The following PABPC4L variants were observed in gnomAD, a reference collection of about 807,000 sequenced individuals.
PABPC4L encodes poly(A) binding protein cytoplasmic 4 like.
For synonymous variants in PABPC4L, 169 were observed against 164.1 expected (o/e 1.03, Z -0.23); for missense variants, 452 against 451.4 (o/e 1.00, Z -0.01).
the PABPC4L span, among the ~76,000 whole-genome samples, chr4:134,084,944 C>G: frequency 6.6e-6 from 1 of 151,940 alleles, no homozygotes; most frequent in Non-Finnish European, 1.5e-5. Flanking sequence ...AAAGGAAAAC[C>G]CTCAGCAAAG....
chr4:134,149,840 A>G, the PABPC4L span, among the ~76,000 whole-genome samples: 1,489 of 152,246 alleles, frequency 9.8e-3, 25 homozygotes, highest in African/African-American at 0.034. Context: ...TGTAATCAAT[A>G]TATCACACAG....
At chr4:134,178,365 C>CAAAAAAAAAA in the PABPC4L span, among the ~76,000 whole-genome samples, 1 of 104,062 alleles carries the variant, frequency 9.6e-6, no homozygotes, top group Non-Finnish European at 2.0e-5. Flanking sequence ...AAGAAAAAAG[C>CAAAAAAAAAA]AAAAAAAAAA....
At chr4:133,962,621 G>T in the PABPC4L span, among the ~76,000 whole-genome samples, 1 of 152,146 alleles carries the variant, frequency 6.6e-6, no homozygotes, top group South Asian at 2.1e-4. Flanking sequence ...ATTAACAGTA[G>T]ATTTCTCAGT....
At chr4:134,065,167 C>A in the PABPC4L span, among the ~76,000 whole-genome samples, 1 of 152,038 alleles carries the variant, frequency 6.6e-6, no homozygotes, top group Admixed American at 6.6e-5. Flanking sequence ...CGAGAAATTG[C>A]CACACTGCTT....
chr4:134,094,341 C>T, the PABPC4L span, among the ~76,000 whole-genome samples: 1 of 151,922 alleles, frequency 6.6e-6, no homozygotes, highest in Non-Finnish European at 1.5e-5. Context: ...CATACAGACC[C>T]TAACTCCTAA....
the PABPC4L span, among the ~76,000 whole-genome samples, chr4:134,173,159 CA>C: frequency 0.025 from 1,917 of 77,932 alleles, 16 homozygotes; most frequent in African/African-American, 0.071. Context: ...GGAGATTCCT[CA>C]AAAAAAAAAA....
At chr4:134,083,792 C>A in the PABPC4L span, among the ~76,000 whole-genome samples, 2 of 152,118 alleles carry the variant, frequency 1.3e-5, no homozygotes, top group African/African-American at 4.8e-5. Flanking sequence ...TACATACATT[C>A]TAGACCACTT....
the PABPC4L span, among the ~76,000 whole-genome samples, chr4:133,971,166 G>A: frequency 8.4e-5 from 11 of 131,092 alleles, no homozygotes; most frequent in Non-Finnish European, 1.7e-4. Flanking sequence ...AGGTTGGAGT[G>A]CAGTGGAACA....
chr4:134,133,988 C>G, the PABPC4L span, among the ~76,000 whole-genome samples: 1 of 151,588 alleles, frequency 6.6e-6, no homozygotes, highest in African/African-American at 2.4e-5. Context: ...CAATTTTTAA[C>G]TTAAATATTA....
chr4:134,006,119 G>A, the PABPC4L span, among the ~76,000 whole-genome samples: 1 of 151,578 alleles, frequency 6.6e-6, no homozygotes, highest in South Asian at 2.1e-4. Flanking sequence ...TAGGTCATGG[G>A]GATTACTCAC....
At chr4:134,075,066 G>C in the PABPC4L span, among the ~76,000 whole-genome samples, 2 of 152,134 alleles carry the variant, frequency 1.3e-5, no homozygotes, top group African/African-American at 4.8e-5. Flanking sequence ...CCTAATATGG[G>C]AATTTGTTTA....
chr4:134,111,063 A>G, the PABPC4L span, among the ~76,000 whole-genome samples: 2 of 152,080 alleles, frequency 1.3e-5, no homozygotes, highest in Non-Finnish European at 2.9e-5. Context: ...TAGTTTTGAA[A>G]GTCGAAGATC....
At chr4:134,010,417 C>A in the PABPC4L span, among the ~76,000 whole-genome samples, 1 of 151,974 alleles carries the variant, frequency 6.6e-6, no homozygotes, top group South Asian at 2.1e-4. Flanking sequence ...TCTGACGTAA[C>A]CATAAAAGCT....
At chr4:133,962,842 C>T in the PABPC4L span, among the ~76,000 whole-genome samples, 1 of 152,238 alleles carries the variant, frequency 6.6e-6, no homozygotes, top group South Asian at 2.1e-4. Flanking sequence ...CTACAAGAAC[C>T]ACTAAAAGGA....
chr4:134,187,190 G>A, the PABPC4L span, among the ~76,000 whole-genome samples: 3 of 151,710 alleles, frequency 2.0e-5, no homozygotes, highest in East Asian at 1.9e-4. Context: ...ATCCCATTAC[G>A]GGACATATAA....
At chr4:133,953,504 G>A in the PABPC4L span, among the ~76,000 whole-genome samples, 4 of 152,058 alleles carry the variant, frequency 2.6e-5, no homozygotes, top group African/African-American at 9.7e-5. Context: ...TGCCCTACTG[G>A]GTCCTTTGTA....
At chr4:134,094,089 C>T in the PABPC4L span, among the ~76,000 whole-genome samples, 654 of 151,928 alleles carry the variant, frequency 4.3e-3, 9 homozygotes, top group African/African-American at 0.015. Flanking sequence ...GAGAAGTTCA[C>T]TAGTAGTTTT....
chr4:134,076,431 G>A, the PABPC4L span, among the ~76,000 whole-genome samples: 1 of 152,140 alleles, frequency 6.6e-6, no homozygotes, highest in Non-Finnish European at 1.5e-5. Context: ...AGTAGGGCCA[G>A]CAGTAACAGT....
At chr4:134,001,048 T>C in the PABPC4L span, among the ~76,000 whole-genome samples, 1 of 151,992 alleles carries the variant, frequency 6.6e-6, no homozygotes, top group Non-Finnish European at 1.5e-5. Context: ...ATAAAACATC[T>C]GAAGAAACTA....
Sources: gnomAD v4.1 joint callset for allele counts (sites outside exome capture counted in the v4.1 genomes callset) on GRCh38, gnomAD v4.1.1 for gene constraint, MANE v1.5 for transcripts, NCBI Gene and HGNC (gene_info 2026-07-23, HGNC 2026-07-21) for gene names.